The following PIEZO1 variants were observed in gnomAD, a reference collection of about 807,000 sequenced individuals.
The protein encoded by PIEZO1 is piezo-type mechanosensitive ion channel component 1.
PIEZO1 carries 296 observed loss-of-function variants against 297.2 expected under a neutral mutation model. The observed-to-expected ratio is 1.00, with a 90% CI of 0.91 to 1.10. The LOEUF (loss-of-function observed/expected upper bound fraction) is 1.10. PIEZO1 is among the 50% of genes least tolerant of loss of function. The pLI is 0.00. For synonymous variants in PIEZO1, 2,427 were observed against 1,507.5 expected (o/e 1.61, Z -14.13); for missense variants, 5,018 against 3,455.5 (o/e 1.45, Z -11.34).
At position 88,734,687 on chromosome 16, in the gene PIEZO1, C is replaced by G. The variant is rs1428058788; in HGVS notation, c.1960G>C (p.Ala654Pro). 1.9e-6 allele frequency: 3 copies of G among 1,550,230 alleles called. No homozygotes were observed. The highest frequency in any genetic ancestry group is 2.6e-6 in the Non-Finnish European group (3 of 1,146,950). Residue 654 changes from alanine (A) to proline (P), a missense_variant, in exon 15 of 51, where the codon GCC becomes CCC. Physicochemically the swap from Ala to Pro is conservative, Grantham distance 27. Transcript: ENST00000301015. ...AAGCCAGTGAGGTTGCGCCAGTAGG[C>G]AGGGAAGTCCTGGAACTGGAAGGTG... ...VYTFQFQDFPAYWRNLTGFTD... is the reference protein window; with the variant it reads ...VYTFQFQDFPPYWRNLTGFTD...
At chr16:88,754,710 C>T (rs1015420081) in intron 1 of PIEZO1, among the ~76,000 whole-genome samples, 4 of 152,214 alleles carry the variant, frequency 2.6e-5, no homozygotes, top group Admixed American at 6.5e-5. Context: ...AGGGGGGCTC[C>T]GTGAAACAGC....
intron 2 of PIEZO1, among the ~76,000 whole-genome samples, chr16:88,747,480 C>T (rs1906124743): frequency 6.6e-6 from 1 of 152,222 alleles, no homozygotes; most frequent in Admixed American, 6.5e-5. Context: ...CGTGCCATTG[C>T]ACTCCAGCCT....
chr16:88,748,768 A>G (rs1042312917), intron 2 of PIEZO1, among the ~76,000 whole-genome samples: 2 of 151,994 alleles, frequency 1.3e-5, no homozygotes, highest in Admixed American at 1.3e-4. Context: ...GTCTACAATG[A>G]AAATAAGAAA....
chr16:88,735,735 C>A (rs1166737902), intron 12 of PIEZO1, among the ~76,000 whole-genome samples: 3 of 152,278 alleles, frequency 2.0e-5, no homozygotes, highest in Non-Finnish European at 4.4e-5. Flanking sequence ...GAACACATGG[C>A]CTGCACAGCT....
chr16:88,721,517 C>A, intron 38 of PIEZO1, 21 bp downstream of exon 38: 1 of 1,542,306 alleles, frequency 6.5e-7, no homozygotes, highest in Non-Finnish European at 8.8e-7. Flanking sequence ...CCCCGCATTG[C>A]CAGCCAAGGC....
intron 2 of PIEZO1, among the ~76,000 whole-genome samples, chr16:88,748,705 C>A (rs542111078): frequency 6.6e-6 from 1 of 152,236 alleles, no homozygotes; most frequent in African/African-American, 2.4e-5. Flanking sequence ...ACCCTCCTCG[C>A]CCCTCACAGC....
In PIEZO1 at chr16:88,732,740, G is replaced by A. The variant is rs545656599; in HGVS notation, c.2665-8C>T. ...GGTGCTGTTGGGGAAGGGCTGGCAA[G>A]AGGCCAGGCATCAGTGCCCCCTCCC... is the stretch of plus-strand genomic sequence containing the variant. On this transcript the variant is annotated splice_polypyrimidine_tract_variant and splice_region_variant and intron_variant, in intron 19 of 50. Coordinates refer to ENST00000301015, the MANE Select transcript of PIEZO1 (RefSeq NM_001142864.4). The A allele has an allele frequency of 7.8e-6, 12 of 1,541,488 alleles. No homozygotes were observed. In the East Asian group the frequency reaches 2.0e-4, roughly 25 times the overall value.
At chr16:88,717,787 C>G (rs1272568991) in intron 44 of PIEZO1, 1 of 451,060 alleles carries the variant, frequency 2.2e-6, no homozygotes, top group South Asian at 1.6e-5. Flanking sequence ...TCTTCCAATT[C>G]AGTCATTTCT....
At chr16:88,717,478 C>A (rs564808139) in intron 44 of PIEZO1, 5 of 596,212 alleles carry the variant, frequency 8.4e-6, no homozygotes, top group South Asian at 4.7e-5. Context: ...GGTGCAGGCA[C>A]CGCCCCAGGC....
chr16:88,768,309 G>C (rs1386482878), intron 1 of PIEZO1, among the ~76,000 whole-genome samples: 1 of 152,224 alleles, frequency 6.6e-6, no homozygotes, highest in African/African-American at 2.4e-5. Context: ...CACCACGGCA[G>C]GCCGGCTCCA....
chr16:88,743,004 G>A (rs1185915755), intron 2 of PIEZO1: 2 of 453,880 alleles, frequency 4.4e-6, no homozygotes, highest in South Asian at 1.6e-5. Context: ...GGCCACCCTG[G>A]CATTTCAGGC....
intron 1 of PIEZO1, among the ~76,000 whole-genome samples, chr16:88,768,392 G>T (rs571415421): frequency 6.6e-6 from 1 of 152,214 alleles, no homozygotes; most frequent in Non-Finnish European, 1.5e-5. Flanking sequence ...TGTTCCCTGT[G>T]GGGGGTGGGG....
rs10468312 is a variant in PIEZO1, at chr16:88,757,327, T to C, written c.65-7848A>G. Among the ~76,000 whole-genome samples the C allele has an allele frequency of 4.2e-4, 18 of 42,700 alleles. 1 individual carries two copies. Among genetic ancestry groups the C allele is most frequent in the Admixed American group, 7.0e-4 (2 of 2,850 alleles). The allele number at this position is 42,700 out of a possible 152,430, so 28.0% of individuals were successfully genotyped here. On this transcript the variant is annotated intron_variant, in intron 1 of 50. Transcript: ENST00000301015. Reference sequence around the variant, plus strand: ...GCAGGGGGCGTTGCTGGCGGGGGGGTGGGGGGTAGTTACCTAACCTGCCTG... The same window carrying C: ...GCAGGGGGCGTTGCTGGCGGGGGGGCGGGGGGTAGTTACCTAACCTGCCTG...
chr16:88,716,137 G>A lies in PIEZO1; in HGVS notation c.7130-18C>T. On this transcript the variant is annotated intron_variant, in intron 49 of 50. Coordinates refer to ENST00000301015, the MANE Select transcript of PIEZO1 (RefSeq NM_001142864.4). ...CTCCTCATCTGGGATGGAGGGAGAA[G>A]ATCGTTGAGGCCGCAGGTCACCCCT... 9 of 1,534,834 alleles carry A rather than the reference G, an allele frequency of 5.9e-6. No homozygotes were observed. Among genetic ancestry groups the A allele is most frequent in the Non-Finnish European group, 7.9e-6 (9 of 1,136,472 alleles).
At chr16:88,739,440 T>TGGCTGCCACCGGCCC (rs1253140521) in intron 5 of PIEZO1, 1 of 152,098 alleles carries the variant, frequency 6.6e-6, no homozygotes, top group Non-Finnish European at 1.5e-5. Context: ...GGCTCTGGCC[T>TGGCTGCCACCGGCCC]GGCTGCCACC....
chr16:88,722,784 CAG>C lies in PIEZO1; in HGVS notation c.4668+51_4668+52del, dbSNP rs920980054. ...GCGCGGGACTAGGCTGTTAAGCAGGCAGGGGCGTAGTCAGGCAGAGCAGGGAC... is the reference window on the plus strand; with the variant it reads ...GCGCGGGACTAGGCTGTTAAGCAGGCGGGCGTAGTCAGGCAGAGCAGGGAC... On this transcript the variant is annotated intron_variant, in intron 34 of 50. Transcript: ENST00000301015. 6.5e-6 allele frequency: 10 copies of C among 1,531,960 alleles called. No homozygotes were observed. In the African/African-American group the frequency reaches 1.4e-4, roughly 21 times the overall value. The allele number at this position is 1,531,960 out of a possible 1,614,324, so 94.9% of individuals were successfully genotyped here. A position where few individuals can be genotyped will look rare whatever the true frequency, so the allele number is the denominator to read the frequency against.
At chr16:88,771,320 A>T (rs1048609145) in intron 1 of PIEZO1, among the ~76,000 whole-genome samples, 1 of 152,112 alleles carries the variant, frequency 6.6e-6, no homozygotes, top group Non-Finnish European at 1.5e-5. Context: ...CACCGGCCCA[A>T]TGGTGCTCAG....
chr16:88,756,587 G>C (rs1009216971), intron 1 of PIEZO1, among the ~76,000 whole-genome samples: 4 of 151,974 alleles, frequency 2.6e-5, no homozygotes, highest in African/African-American at 9.7e-5. Context: ...GGCCAACATG[G>C]TGAAACCCCA....
At chr16:88,719,352 G>A in intron 44 of PIEZO1, 1 of 561,606 alleles carries the variant, frequency 1.8e-6, no homozygotes, top group Non-Finnish European at 3.2e-6. Flanking sequence ...GCCTGGAACA[G>A]GACCAACTCC....
Sources: allele counts gnomAD v4.1 joint callset (sites outside exome capture counted in the v4.1 genomes callset), GRCh38; gene constraint gnomAD v4.1.1; transcripts MANE v1.5; gene names NCBI Gene and HGNC (gene_info 2026-07-23, HGNC 2026-07-21).